Variants in NDUFS2 observed in about 807,000 individuals in gnomAD.
NDUFS2 encodes the protein NADH:ubiquinone oxidoreductase core subunit S2.
A neutral mutation model predicts 69.6 loss-of-function variants in NDUFS2; 38 were observed. The observed-to-expected ratio is 0.55, with a 90% CI of 0.42 to 0.72. NDUFS2 has a LOEUF of 0.72. Ranked by LOEUF, NDUFS2 falls within the 30% of genes least tolerant of loss-of-function variation. The pLI, the probability that NDUFS2 is intolerant of heterozygous loss-of-function variation, is 0.00. For missense variants in NDUFS2, 468 were observed against 595.0 expected (o/e 0.79, Z 2.22); for synonymous variants, 194 against 211.2 (o/e 0.92, Z 0.70).
At chr1:161,208,851 A>G (rs1160082175) in intron 3 of NDUFS2, among the ~76,000 whole-genome samples, 15 of 152,216 alleles carry the variant, frequency 9.9e-5, no homozygotes, top group Admixed American at 9.8e-4. Context: ...ATGTGTCTGT[A>G]TGGTGGAAAT....
At chr1:161,206,892 G>A (rs1004191510) in intron 3 of NDUFS2, among the ~76,000 whole-genome samples, 1 of 152,136 alleles carries the variant, frequency 6.6e-6, no homozygotes, top group African/African-American at 2.4e-5. Flanking sequence ...CTGCTCTTAC[G>A]TTAGACTAGT....
chr1:161,207,992 T>C (rs1665566249), intron 3 of NDUFS2, among the ~76,000 whole-genome samples: 2 of 144,094 alleles, frequency 1.4e-5, no homozygotes, highest in African/African-American at 5.2e-5. Flanking sequence ...TTTTTTTTTT[T>C]TTTTTTTTTG....
Position 161,209,606 on chromosome 1 carries a change from G to T in NDUFS2, c.627+11G>T. On this transcript the variant is annotated intron_variant, in intron 5 of 13. Coordinates refer to ENST00000676972, the MANE Select transcript of NDUFS2 (RefSeq NM_001377299.1). Reference sequence around the variant, plus strand: ...GAAGAAAGGGAGAAGGTAAGAGTGGGAGGAAAGGATAGGAATAGGGAAGGA... The same window carrying T: ...GAAGAAAGGGAGAAGGTAAGAGTGGTAGGAAAGGATAGGAATAGGGAAGGA... The T allele has an allele frequency of 6.3e-7, 1 of 1,599,006 alleles. No individual in the cohort carries two copies.
intron 10 of NDUFS2, chr1:161,213,030 G>A (rs1247955767): frequency 6.5e-5 from 22 of 338,676 alleles, no homozygotes; most frequent in Admixed American, 3.3e-4. Context: ...TTAGTCTCCC[G>A]AGTAGCTGGG....
chr1:161,212,249 A>C, intron 9 of NDUFS2, 102 bp from the exon 10 acceptor site: 1 of 1,410,850 alleles, frequency 7.1e-7, no homozygotes. Flanking sequence ...AAGAGTGGGG[A>C]GAGTTGACCT....
At chr1:161,200,410 T>C (rs1201799634), upstream of NDUFS2, among the ~76,000 whole-genome samples, 1 of 152,080 alleles carries the variant, frequency 6.6e-6, no homozygotes, top group African/African-American at 2.4e-5. Flanking sequence ...TGGCTGCTTG[T>C]TTCCCCAGGA....
chr1:161,201,730 A>G (rs529151915), upstream of NDUFS2, among the ~76,000 whole-genome samples: 81 of 152,212 alleles, frequency 5.3e-4, no homozygotes, highest in African/African-American at 1.8e-3. Context: ...CCACTCCCCC[A>G]TCTGGGATGA....
intron 9 of NDUFS2, among the ~76,000 whole-genome samples, chr1:161,211,736 T>A (rs904010324): frequency 6.6e-6 from 1 of 152,246 alleles, no homozygotes; most frequent in Non-Finnish European, 1.5e-5. Context: ...TTGTTTTTTT[T>A]ATTTTTGTTT....
intron 7 of NDUFS2, 32 bp from the exon 8 acceptor site, chr1:161,210,272 A>G: frequency 6.2e-7 from 1 of 1,609,998 alleles, no homozygotes; most frequent in Non-Finnish European, 8.5e-7. Context: ...TGTGAGGAAG[A>G]GTATTAACAC....
intron 9 of NDUFS2, among the ~76,000 whole-genome samples, chr1:161,211,548 G>T (rs532635854): frequency 1.2e-4 from 19 of 152,262 alleles, no homozygotes; most frequent in African/African-American, 4.3e-4. Flanking sequence ...TACTTGGGAG[G>T]CTGAGGAAGG....
upstream of NDUFS2, chr1:161,197,889 A>C: frequency 2.0e-6 from 3 of 1,470,534 alleles, no homozygotes; most frequent in Non-Finnish European, 2.7e-6. Context: ...AAGGGAGGGA[A>C]GCAGAACGGC....
Position 161,209,372 on chromosome 1 carries a change from C to T in NDUFS2, c.514+59C>T, listed in dbSNP as rs990178368. 33 of 1,613,196 alleles carry T rather than the reference C, an allele frequency of 2.0e-5. No homozygotes were observed. In the African/African-American group the frequency reaches 3.5e-4, roughly 17 times the overall value. On this transcript the variant is annotated intron_variant, in intron 4 of 13. Coordinates refer to ENST00000676972, the MANE Select transcript of NDUFS2 (RefSeq NM_001377299.1). ...TGAGCATAGCATAGTGCCTTTTCCA[C>T]CACTTCCCCGTTGAACCCAAGCTTA...
chr1:161,209,764 T>G, intron 5 of NDUFS2, 93 bp from the exon 6 acceptor site: 5 of 1,427,822 alleles, frequency 3.5e-6, no homozygotes, highest in Non-Finnish European at 4.9e-6. Flanking sequence ...GAGGGGTTGG[T>G]TGGGCACAAG....
intron 2 of NDUFS2, among the ~76,000 whole-genome samples, chr1:161,204,470 A>G (rs1231401729): frequency 6.6e-6 from 1 of 151,970 alleles, no homozygotes; most frequent in Non-Finnish European, 1.5e-5. Flanking sequence ...CTTGTATTAG[A>G]CCCTGATTAT....
Position 161,206,577 on chromosome 1 carries a change from G to C in NDUFS2, c.373G>C (p.Glu125Gln), listed in dbSNP as rs1259677631. 3.1e-6 allele frequency: 5 copies of C among 1,613,796 alleles called. No homozygotes were observed. Among genetic ancestry groups the C allele is most frequent in the Non-Finnish European group, 4.2e-6 (5 of 1,180,006 alleles). The change falls in exon 3 of 14, where the codon GAA becomes CAA. Residue 125 changes from glutamate (E) to glutamine (Q), a missense_variant. By Grantham distance (29) the Glu-to-Gln change is conservative. Around this residue, in one of 3 missense-constraint regions of NDUFS2, gnomAD observed 339 missense variants for 433.8 expected, o/e 0.78. Coordinates refer to ENST00000676972, the MANE Select transcript of NDUFS2 (RefSeq NM_001377299.1). ...GCACCGAGGCACTGAGAAGCTCATT[G>C]AATACAAGACCTATCTTCAGGTGTG... ...LLHRGTEKLI[E>Q]YKTYLQALPY...
intron 9 of NDUFS2, among the ~76,000 whole-genome samples, chr1:161,211,998 G>C (rs1665792431): frequency 6.6e-6 from 1 of 152,022 alleles, no homozygotes; most frequent in African/African-American, 2.4e-5. Flanking sequence ...GCAGTCGCTT[G>C]AGCTCAGGAG....
chr1:161,212,381 G>T lies in NDUFS2; in HGVS notation c.1017G>T (p.Gln339His), dbSNP rs150213710. The T allele has an allele frequency of 1.9e-6, 3 of 1,613,748 alleles. No homozygotes were observed. The highest frequency in any genetic ancestry group is 2.5e-6 in the Non-Finnish European group (3 of 1,179,764). The part of the protein sequence containing the change: ...RYLCRVEEMR[Q>H]SLRIIAQCLN... ...TGTGCCGGGTGGAGGAGATGCGCCAGTCCCTGAGAATTATCGCACAGTGTC... is the reference window on the plus strand; with the variant it reads ...TGTGCCGGGTGGAGGAGATGCGCCATTCCCTGAGAATTATCGCACAGTGTC... Residue 339 changes from glutamine (Q) to histidine (H), a missense_variant, in exon 10 of 14, where the codon CAG (glutamine) becomes CAT (histidine). This residue lies in a region of NDUFS2 where 339 missense variants were observed against 433.8 expected (regional missense o/e 0.78). Transcript: ENST00000676972.
chr1:161,213,192 C>T (rs1402189571), intron 10 of NDUFS2, 188 bp from the exon 11 acceptor site: 27 of 561,982 alleles, frequency 4.8e-5, no homozygotes, highest in Admixed American at 1.7e-4. Flanking sequence ...CGTGAGTCAC[C>T]GCACCCGGCC....
intron 9 of NDUFS2, among the ~76,000 whole-genome samples, 195 bp downstream of exon 9, chr1:161,210,905 G>T (rs1278382479): frequency 6.6e-6 from 1 of 152,072 alleles, no homozygotes; most frequent in African/African-American, 2.4e-5. Flanking sequence ...ACGGAGTTTT[G>T]CTCTTGTTGC....
Sources: gnomAD v4.1 joint callset for allele counts (sites outside exome capture counted in the v4.1 genomes callset) on GRCh38, gnomAD v4.1.1 for gene constraint, gnomAD v4.1.1 regional missense constraint, MANE v1.5 for transcripts, NCBI Gene and HGNC (gene_info 2026-07-23, HGNC 2026-07-21) for gene names.